Variants in HECW2 observed in about 807,000 individuals in gnomAD.
The protein encoded by HECW2 is E3 ubiquitin-protein ligase HECW2.
In HECW2, 61 loss-of-function variants were observed where a neutral mutation model predicts 175.2. The observed-to-expected ratio is 0.35, with a 90% confidence interval of 0.28 to 0.43. The LOEUF is 0.43. Among genes scored for constraint, HECW2 ranks in the 20% least tolerant of loss-of-function variants. The pLI, the probability that HECW2 is intolerant of heterozygous loss-of-function variation, is 1.00. For synonymous variants in HECW2, 671 were observed against 731.0 expected, an observed-to-expected ratio of 0.92 and a Z score of 1.32; for missense variants, 1,524 against 2,000.5, an observed-to-expected ratio of 0.76 and a Z score of 4.54.
At position 196,220,876 on chromosome 2, in the gene HECW2, C is replaced by T. The variant is rs1460836870; in HGVS notation, c.4212G>A (p.Glu1404=). 5 of 1,614,010 alleles carry T rather than the reference C, an allele frequency of 3.1e-6. No individual in the cohort carries two copies. Among genetic ancestry groups the T allele is most frequent in the Non-Finnish European group, 4.2e-6 (5 of 1,179,970 alleles). ...NIPVTEKNKK[E]YIERMVKWRI... is the part of the protein sequence containing the mutation. Reference sequence around the variant, plus strand: ...TCCACTTCACCATCCTCTCGATGTACTCCTTCTTGTTCTTCTCTGTAACTG... The same window carrying T: ...TCCACTTCACCATCCTCTCGATGTATTCCTTCTTGTTCTTCTCTGTAACTG... The change falls in exon 25 of 29, where the codon GAG becomes GAA. Residue 1404 remains glutamate (E), a synonymous_variant. Transcript: ENST00000644978.
At position 196,318,607 on chromosome 2, in the gene HECW2, C is replaced by T; in HGVS notation, c.2283G>A (p.Gly761=). Residue 761 remains glycine, a synonymous_variant, in exon 9 of 29, where the codon GGG becomes GGA. Coordinates refer to ENST00000644978, the MANE Select transcript of HECW2 (RefSeq NM_001348768.2). ...ESPPQEEGSA[G]EAQGTCEGAT... is the part of the protein sequence containing the mutation. ...CCCCTTCACAGGTGCCTTGGGCCTC[C>T]CCAGCACTGCCTTCTTCTTGCGGTG... 2 of 1,572,290 alleles carry T rather than the reference C, an allele frequency of 1.3e-6. No homozygotes were observed.
intron 8 of HECW2, 78 bp from the exon 9 acceptor site, chr2:196,319,982 C>G (rs1189145979): frequency 2.9e-6 from 4 of 1,376,844 alleles, no homozygotes; most frequent in Non-Finnish European, 3.9e-6. Flanking sequence ...TGCTTTGCCA[C>G]CAATAAGTTC....
intron 2 of HECW2, among the ~76,000 whole-genome samples, chr2:196,428,737 A>G (rs1695620044): frequency 1.3e-5 from 2 of 152,242 alleles, no homozygotes; most frequent in East Asian, 3.9e-4. Context: ...AATAGTCCTT[A>G]ACACTCTCCA....
chr2:196,266,301 C>T (rs768298227), intron 17 of HECW2, among the ~76,000 whole-genome samples: 19 of 151,280 alleles, frequency 1.3e-4, no homozygotes, highest in South Asian at 2.1e-4. Context: ...CAGCTGTGAT[C>T]GCGACACTAC....
chr2:196,414,148 C>T (rs1329689211), intron 2 of HECW2, among the ~76,000 whole-genome samples: 1 of 152,208 alleles, frequency 6.6e-6, no homozygotes, highest in East Asian at 1.9e-4. Context: ...GAGCCTCACG[C>T]CACGTGAATA....
intron 21 of HECW2, 56 bp downstream of exon 21, chr2:196,240,393 C>T (rs1688402241): frequency 7.9e-7 from 1 of 1,271,096 alleles, no homozygotes; most frequent in African/African-American, 1.5e-5. Flanking sequence ...CGTGGAGAAA[C>T]ATCCGCCTTG....
chr2:196,482,381 C>T (rs1442298029), intron 1 of HECW2, among the ~76,000 whole-genome samples: 1 of 152,226 alleles, frequency 6.6e-6, no homozygotes, highest in Non-Finnish European at 1.5e-5. Context: ...GGACAGGCAA[C>T]TCCAAGGGAT....
intron 1 of HECW2, among the ~76,000 whole-genome samples, chr2:196,496,267 C>T (rs1021659529): frequency 4.0e-5 from 6 of 151,808 alleles, no homozygotes; most frequent in Non-Finnish European, 5.9e-5. Context: ...TGGGCCATGG[C>T]GGCCTCAGAG....
At chr2:196,238,249 AC>A in intron 21 of HECW2, among the ~76,000 whole-genome samples, 1 of 152,220 alleles carries the variant, frequency 6.6e-6, no homozygotes, top group East Asian at 1.9e-4. Flanking sequence ...ACAAAACAAA[AC>A]AAAAAAACAG....
chr2:196,246,554 A>AT (rs1366696160), intron 19 of HECW2, among the ~76,000 whole-genome samples: 1 of 94,546 alleles, frequency 1.1e-5, no homozygotes, highest in African/African-American at 2.8e-5. Flanking sequence ...CCGGCTAATT[A>AT]TTTTTTTGTA....
At chr2:196,309,877 T>C (rs1487259080) in intron 10 of HECW2, among the ~76,000 whole-genome samples, 3 of 152,336 alleles carry the variant, frequency 2.0e-5, no homozygotes, top group Non-Finnish European at 4.4e-5. Context: ...TTCTGGCAGT[T>C]ATGGCAGAAA....
At chr2:196,299,108 C>G (rs898248382) in intron 13 of HECW2, among the ~76,000 whole-genome samples, 1 of 152,108 alleles carries the variant, frequency 6.6e-6, no homozygotes, top group Non-Finnish European at 1.5e-5. Flanking sequence ...AATAATACTT[C>G]CTAAACCCAC....
chr2:196,460,592 C>A (rs1011182998), intron 1 of HECW2, among the ~76,000 whole-genome samples: 1 of 150,550 alleles, frequency 6.6e-6, no homozygotes, highest in African/African-American at 2.4e-5. Flanking sequence ...AGGGAAAAAT[C>A]TCAATTGTTT....
chr2:196,401,539 T>C (rs533289571), intron 2 of HECW2, among the ~76,000 whole-genome samples: 2 of 152,336 alleles, frequency 1.3e-5, no homozygotes, highest in African/African-American at 4.8e-5. Flanking sequence ...TTAAATAGAA[T>C]TTTTCTTTAA....
At chr2:196,552,541 A>G (rs1162742985) in intron 1 of HECW2, among the ~76,000 whole-genome samples, 1 of 152,256 alleles carries the variant, frequency 6.6e-6, no homozygotes, top group Non-Finnish European at 1.5e-5. Context: ...ATTAAAAGAT[A>G]AAGTGCAGAG....
chr2:196,361,987 G>A (rs1693602213), intron 2 of HECW2: 1 of 985,238 alleles, frequency 1.0e-6, no homozygotes, highest in African/African-American at 1.7e-5. Context: ...GTTCTAAGGT[G>A]GCTGTGAAAG....
chr2:196,412,704 C>T (rs1358598180), intron 2 of HECW2, among the ~76,000 whole-genome samples: 1 of 152,214 alleles, frequency 6.6e-6, no homozygotes, highest in Non-Finnish European at 1.5e-5. Context: ...TTACTTGATG[C>T]TTTTTCATCT....
At chr2:196,397,549 A>T (rs756983681) in intron 2 of HECW2, among the ~76,000 whole-genome samples, 30 of 152,230 alleles carry the variant, frequency 2.0e-4, no homozygotes, top group Non-Finnish European at 4.3e-4. Context: ...TATTATTTTT[A>T]AAAAATGTAT....
At chr2:196,545,845 A>G (rs570121270) in intron 1 of HECW2, among the ~76,000 whole-genome samples, 14 of 152,338 alleles carry the variant, frequency 9.2e-5, no homozygotes, top group Non-Finnish European at 1.8e-4. Context: ...AGATTATAAA[A>G]TTCTATGTTG....
Sources: allele counts gnomAD v4.1 joint callset (sites outside exome capture counted in the v4.1 genomes callset), GRCh38; gene constraint gnomAD v4.1.1; transcripts MANE v1.5; gene names NCBI Gene and HGNC (gene_info 2026-07-23, HGNC 2026-07-21).